Variants in ROBO2 observed in about 807,000 individuals in gnomAD.
ROBO2 encodes roundabout guidance receptor 2.
ROBO2 carries 53 observed loss-of-function variants against 160.8 expected under a neutral mutation model. The ratio of observed to expected loss-of-function variants is 0.33; its 90% CI spans 0.26 to 0.41. ROBO2 has a LOEUF of 0.41. ROBO2 is among the 10% of genes least tolerant of loss of function. ROBO2 has a pLI of 1.00. For missense variants in ROBO2, 1,577 were observed against 1,722.4 expected, an observed-to-expected ratio of 0.92 and a Z score of 1.49; for synonymous variants, 664 against 611.7, an observed-to-expected ratio of 1.09 and a Z score of -1.26.
At chr3:76,525,736 C>T (rs1185769893) in intron 2 of ROBO2, among the ~76,000 whole-genome samples, 2 of 151,870 alleles carry the variant, frequency 1.3e-5, no homozygotes, top group Admixed American at 6.6e-5. Context: ...TGTATACAGC[C>T]TTCATAGTCA....
intron 2 of ROBO2, among the ~76,000 whole-genome samples, chr3:76,975,841 A>AGACAAAGTTTGTTTTACAGAC (rs2149303738): frequency 6.6e-6 from 1 of 152,300 alleles, no homozygotes; most frequent in Admixed American, 6.5e-5. Context: ...TTGTTTCTCC[A>AGACAAAGTTTGTTTTACAGAC]AAACTCTTCT....
At chr3:77,402,608 C>T (rs1163440546) in intron 2 of ROBO2, among the ~76,000 whole-genome samples, 2 of 151,964 alleles carry the variant, frequency 1.3e-5, no homozygotes, top group African/African-American at 4.8e-5. Flanking sequence ...CAGAGTTTAA[C>T]TGGTATATGA....
At position 76,973,666 on chromosome 3, in the gene ROBO2, A is replaced by G. The variant is rs538613840; in HGVS notation, c.110-124348A>G. 1.0e-3 allele frequency among the ~76,000 whole-genome samples: 155 copies of G among 152,340 alleles called. 1 individual carries two copies. Among genetic ancestry groups the G allele is most frequent in the Non-Finnish European group, 6.9e-4 (47 of 68,036 alleles). The stretch of plus-strand genomic sequence containing the variant: ...TAACTACATACACAAGAGACATGGC[A>G]TGACTTTTTCTGAACGTTAGATTTC... On this transcript the variant is annotated intron_variant, in intron 2 of 26. Transcript: ENST00000487694.
At chr3:76,137,772 A>G (rs1236433609) in intron 2 of ROBO2, among the ~76,000 whole-genome samples, 1 of 151,910 alleles carries the variant, frequency 6.6e-6, no homozygotes, top group African/African-American at 2.4e-5. Flanking sequence ...TCCATCTTCA[A>G]AGCCAACAAT....
chr3:76,183,875 G>T (rs1339344333), intron 2 of ROBO2, among the ~76,000 whole-genome samples: 4 of 152,102 alleles, frequency 2.6e-5, no homozygotes, highest in Non-Finnish European at 1.5e-5. Context: ...CCTGCGTCCA[G>T]ATTCTATGCA....
At chr3:76,424,100 CT>C (rs2076111267) in intron 2 of ROBO2, among the ~76,000 whole-genome samples, 2 of 152,150 alleles carry the variant, frequency 1.3e-5, no homozygotes, top group African/African-American at 4.8e-5. Context: ...ACTTCTTTTA[CT>C]TATGAATATA....
chr3:76,448,615 C>G (rs554992900), intron 2 of ROBO2, among the ~76,000 whole-genome samples: 2 of 152,248 alleles, frequency 1.3e-5, no homozygotes, highest in African/African-American at 4.8e-5. Flanking sequence ...ATATTCATTT[C>G]ATAGCCATTA....
At chr3:77,622,378 G>T in exon 23 of ROBO2, 1 of 1,614,020 alleles carries the variant, frequency 6.2e-7, no homozygotes, top group East Asian at 2.2e-5. Flanking sequence ...GCCCCTGAGA[G>T]CACTGGACCA....
chr3:76,654,827 C>T (rs1322883554), intron 2 of ROBO2, among the ~76,000 whole-genome samples: 20 of 141,988 alleles, frequency 1.4e-4, no homozygotes, highest in Non-Finnish European at 1.8e-4. Flanking sequence ...AAAAATTTTC[C>T]TTGATTATAA....
chr3:76,212,529 T>G (rs2107328995), intron 2 of ROBO2, among the ~76,000 whole-genome samples: 1 of 152,182 alleles, frequency 6.6e-6, no homozygotes, highest in Non-Finnish European at 1.5e-5. Context: ...GATTTTTTGT[T>G]TTTTATCTTG....
chr3:76,762,991 A>G (rs1406525471), intron 2 of ROBO2, among the ~76,000 whole-genome samples: 1 of 151,770 alleles, frequency 6.6e-6, no homozygotes, highest in Non-Finnish European at 1.5e-5. Context: ...TGGTAAATTA[A>G]TTAAGCTAAT....
At position 77,185,023 on chromosome 3, in the gene ROBO2, A is replaced by G. The variant is rs561495344; in HGVS notation, c.388+86683A>G. Among the ~76,000 whole-genome samples the G allele has an allele frequency of 6.6e-4, 100 of 151,478 alleles. 1 individual carries two copies. The highest frequency in any genetic ancestry group is 2.1e-3 in the African/African-American group (87 of 41,228). On this transcript the variant is annotated intron_variant, in intron 2 of 25. Transcript: ENST00000461745. ...TAGCCATAGAAATAGAGTATAATGC[A>G]TGGAGCAGATATCTGAAAACAGATT... is the stretch of plus-strand genomic sequence containing the variant.
At chr3:77,526,525 A>G (rs1294485326) in intron 6 of ROBO2, among the ~76,000 whole-genome samples, 2 of 151,540 alleles carry the variant, frequency 1.3e-5, no homozygotes. Context: ...ATGTTTCACA[A>G]TATTTGTCTA....
chr3:76,881,629 T>C (rs1222410048), intron 2 of ROBO2, among the ~76,000 whole-genome samples: 1 of 152,216 alleles, frequency 6.6e-6, no homozygotes, highest in Non-Finnish European at 1.5e-5. Context: ...AAATATGTAT[T>C]TTCTATTTTA....
chr3:76,954,739 C>T (rs1393825226), intron 2 of ROBO2, among the ~76,000 whole-genome samples: 3 of 152,152 alleles, frequency 2.0e-5, no homozygotes, highest in Non-Finnish European at 4.4e-5. Context: ...CACAATTATG[C>T]AAATGACCTT....
At chr3:76,455,437 T>A (rs532720937) in intron 2 of ROBO2, among the ~76,000 whole-genome samples, 2 of 152,282 alleles carry the variant, frequency 1.3e-5, no homozygotes, top group African/African-American at 4.8e-5. Flanking sequence ...TCATTTTGAA[T>A]CCTAATTTAG....
rs538170995 is a variant in ROBO2 at position 76,901,302 on chromosome 3, C to T, written c.110-196712C>T. 1.4e-3 allele frequency among the ~76,000 whole-genome samples: 208 copies of T among 152,028 alleles called. 3 individuals are homozygous for T. The highest frequency in any genetic ancestry group is 1.8e-3 in the Non-Finnish European group (125 of 67,972). On this transcript the variant is annotated intron_variant, in intron 2 of 26. Coordinates refer to the ROBO2 transcript ENST00000487694. ...CTCTTGCATTGGAATATAAGCTCCC[C>T]AGGCAAGAATTTCGAAATGTTTTAT...
At chr3:76,335,244 C>T (rs952484746) in intron 2 of ROBO2, among the ~76,000 whole-genome samples, 6 of 131,472 alleles carry the variant, frequency 4.6e-5, no homozygotes, top group Non-Finnish European at 9.5e-5. Flanking sequence ...TGCAGTGGCG[C>T]GATCTCTGCT....
chr3:76,293,046 G>C (rs986175449), intron 2 of ROBO2, among the ~76,000 whole-genome samples: 2 of 151,260 alleles, frequency 1.3e-5, no homozygotes, highest in Non-Finnish European at 2.9e-5. Context: ...ATATATAAAA[G>C]TTTTTGCTTT....
Sources: gnomAD v4.1 joint callset for allele counts (sites outside exome capture counted in the v4.1 genomes callset) on GRCh38, gnomAD v4.1.1 for gene constraint, MANE v1.5 for transcripts, NCBI Gene and HGNC (gene_info 2026-07-23, HGNC 2026-07-21) for gene names.